NEBL: variants seen among roughly 807,000 people sequenced by gnomAD.
NEBL encodes nebulette.
NEBL carries 122 observed loss-of-function variants against 140.2 expected under a neutral mutation model. The ratio of observed to expected loss-of-function variants is 0.87; its 90% CI spans 0.75 to 1.01. The LOEUF (loss-of-function observed/expected upper bound fraction) is 1.01, where lower values mean the gene tolerates loss of function less well. Among genes scored for constraint, NEBL ranks in the 50% least tolerant of loss-of-function variants. The probability of loss-of-function intolerance (pLI) is 0.00; values close to 1 mark genes in which losing one functional copy is unlikely to be tolerated. For missense variants in NEBL, 1,365 were observed against 1,231.3 expected (o/e 1.11, Z -1.62); for synonymous variants, 436 against 398.9 (o/e 1.09, Z -1.11).
At chr10:20,872,282 T>G (rs994817918) in intron 5 of NEBL, among the ~76,000 whole-genome samples, 1 of 152,022 alleles carries the variant, frequency 6.6e-6, no homozygotes, top group Admixed American at 6.6e-5. Flanking sequence ...ATATTAAGAT[T>G]GACATGAACT....
intron 4 of NEBL, among the ~76,000 whole-genome samples, chr10:20,926,715 C>T (rs1225916726): frequency 6.6e-6 from 1 of 152,156 alleles, no homozygotes; most frequent in African/African-American, 2.4e-5. Context: ...TCGCATTCAG[C>T]AATGGCCAGC....
At chr10:20,840,677 T>C (rs1841328941) in intron 13 of NEBL, 62 bp downstream of exon 13, 31 of 1,126,324 alleles carry the variant, frequency 2.8e-5, no homozygotes, top group Non-Finnish European at 3.6e-5. Flanking sequence ...TTGAGAAAGA[T>C]TGACAAATAA....
chr10:21,168,775 G>A lies in NEBL; in HGVS notation c.164+3608C>T, dbSNP rs931409396. On this transcript the variant is annotated intron_variant, in intron 2 of 6. Transcript: ENST00000417816. ...AAAAATGGCTCAACAGTGGCCGGGC[G>A]CGGTGGCTCATGCCTGTAATCTCAG... is the stretch of plus-strand genomic sequence containing the variant. 3.3e-5 allele frequency among the ~76,000 whole-genome samples: 5 copies of A among 151,726 alleles called. 1 individual carries two copies. The highest frequency in any genetic ancestry group is 4.2e-4 in the South Asian group (2 of 4,804).
chr10:21,149,708 C>T (rs1194327479), intron 2 of NEBL, among the ~76,000 whole-genome samples: 1 of 152,166 alleles, frequency 6.6e-6, no homozygotes, highest in Non-Finnish European at 1.5e-5. Flanking sequence ...ATTAATAGCC[C>T]GTTGGTCACA....
intron 1 of NEBL, among the ~76,000 whole-genome samples, chr10:21,253,391 T>A (rs1842611809): frequency 6.6e-6 from 1 of 152,144 alleles, no homozygotes; most frequent in African/African-American, 2.4e-5. Flanking sequence ...GAGAAAAAGA[T>A]AATCTGGACG....
intron 4 of NEBL, among the ~76,000 whole-genome samples, chr10:20,927,975 TAAA>T (rs1324888266): frequency 6.6e-6 from 1 of 152,240 alleles, no homozygotes; most frequent in Non-Finnish European, 1.5e-5. Flanking sequence ...GAGGTACTTT[TAAA>T]AAGTTTCTTT....
chr10:21,277,996 G>A (rs1048305755), intron 1 of NEBL, among the ~76,000 whole-genome samples: 12 of 152,254 alleles, frequency 7.9e-5, no homozygotes, highest in South Asian at 2.1e-4. Context: ...TTGAGGCTTC[G>A]CCTAGTTATC....
chr10:21,132,136 C>G (rs1158468093), intron 2 of NEBL, among the ~76,000 whole-genome samples: 1 of 152,136 alleles, frequency 6.6e-6, no homozygotes, highest in Non-Finnish European at 1.5e-5. Context: ...AATCACTCCC[C>G]ATTATCCCTA....
intron 4 of NEBL, 36 bp from the exon 5 acceptor site, chr10:20,880,940 G>T: frequency 6.5e-7 from 1 of 1,537,998 alleles, no homozygotes; most frequent in Non-Finnish European, 9.0e-7. Flanking sequence ...CCCATTTAGA[G>T]GCATATAAAT....
chr10:21,280,920 T>C (rs906283010), intron 1 of NEBL, among the ~76,000 whole-genome samples: 2 of 152,100 alleles, frequency 1.3e-5, no homozygotes, highest in African/African-American at 2.4e-5. Context: ...CAGCCAAGCA[T>C]TGTAGATTTT....
intron 4 of NEBL, among the ~76,000 whole-genome samples, chr10:20,958,965 A>G (rs975322581): frequency 1.1e-4 from 16 of 152,222 alleles, no homozygotes; most frequent in Admixed American, 2.0e-4. Flanking sequence ...ACATGAGAAG[A>G]GCTGAAAAAA....
In NEBL at chr10:20,781,429, C is replaced by T. The variant is rs1835030390; in HGVS notation, c.*4318G>A. ...AGTTTCACACCATGCCTGTAATAGA[C>T]TTGGTGCTGCTTCCTAAATGCTCAG... On this transcript the variant is annotated 3_prime_UTR_variant, in exon 28 of 28. Coordinates refer to ENST00000377122, the MANE Select transcript of NEBL (RefSeq NM_006393.3). 6.6e-6 allele frequency: 1 copy of T among 152,188 alleles called. No homozygotes were observed. The highest frequency in any genetic ancestry group is 1.5e-5 in the Non-Finnish European group (1 of 68,028). 9.4% of individuals were successfully genotyped at this position (152,188 alleles called of 1,614,324 possible).
intron 4 of NEBL, among the ~76,000 whole-genome samples, chr10:20,923,662 G>A (rs1345654758): frequency 9.7e-4 from 9 of 9,314 alleles, no homozygotes; most frequent in Admixed American, 2.6e-3. Context: ...GCAAGACTCC[G>A]TCTCAAAAAA....
At chr10:21,232,457 A>G (rs1250738555) in intron 3 of NEBL, among the ~76,000 whole-genome samples, 1 of 152,228 alleles carries the variant, frequency 6.6e-6, no homozygotes, top group Non-Finnish European at 1.5e-5. Context: ...ATATGAGGAA[A>G]TAATTGTACA....
At chr10:20,846,173 A>T (rs1344277039) in intron 11 of NEBL, among the ~76,000 whole-genome samples, 1 of 152,144 alleles carries the variant, frequency 6.6e-6, no homozygotes, top group South Asian at 2.1e-4. Flanking sequence ...ATGCTTTATG[A>T]CTATAAAGAC....
intron 14 of NEBL, among the ~76,000 whole-genome samples, chr10:20,831,784 A>AT (rs1394894523): frequency 6.6e-6 from 1 of 152,092 alleles, no homozygotes; most frequent in Non-Finnish European, 1.5e-5. Flanking sequence ...AATCAGAACA[A>AT]TTTTTTTCAG....
intron 4 of NEBL, among the ~76,000 whole-genome samples, chr10:20,933,929 A>G (rs1030873219): frequency 6.6e-6 from 1 of 152,100 alleles, no homozygotes; most frequent in African/African-American, 2.4e-5. Context: ...GGAGTTTCTC[A>G]GTTCAGTATA....
intron 4 of NEBL, among the ~76,000 whole-genome samples, chr10:20,932,431 G>A (rs1834239195): frequency 6.6e-6 from 1 of 152,092 alleles, no homozygotes. Context: ...GGGGGGTGGG[G>A]GAGAAAGGGG....
At chr10:21,291,216 C>T (rs953526782) in intron 1 of NEBL, among the ~76,000 whole-genome samples, 16 of 151,954 alleles carry the variant, frequency 1.1e-4, no homozygotes, top group Non-Finnish European at 2.4e-4. Context: ...TCTAAGAAGG[C>T]TAAGAGAGGC....
Sources: allele counts gnomAD v4.1 joint callset (sites outside exome capture counted in the v4.1 genomes callset), GRCh38; gene constraint gnomAD v4.1.1; transcripts MANE v1.5; gene names NCBI Gene and HGNC (gene_info 2026-07-23, HGNC 2026-07-21).